The following KIAA0825 variants were observed in gnomAD, a reference collection of about 807,000 sequenced individuals.
KIAA0825 encodes the protein KIAA0825.
In KIAA0825, 119 loss-of-function variants were observed where a neutral mutation model predicts 147.6. The ratio of observed to expected loss-of-function variants is 0.81; its 90% CI spans 0.69 to 0.94. KIAA0825 has a LOEUF of 0.94. Among genes scored for constraint, KIAA0825 ranks in the 40% least tolerant of loss-of-function variants. The pLI is 0.00. For synonymous variants in KIAA0825, 470 were observed against 518.1 expected, an observed-to-expected ratio of 0.91 and a Z score of 1.26; for missense variants, 1,381 against 1,472.7, an observed-to-expected ratio of 0.94 and a Z score of 1.02.
At chr5:94,427,171 A>T (rs1420261849) in intron 14 of KIAA0825, among the ~76,000 whole-genome samples, 1 of 152,206 alleles carries the variant, frequency 6.6e-6, no homozygotes, top group Non-Finnish European at 1.5e-5. Flanking sequence ...ATGTAAGTAT[A>T]AGTAGGTGTC....
intron 3 of KIAA0825, among the ~76,000 whole-genome samples, chr5:94,535,140 T>C (rs1771696285): frequency 6.6e-6 from 1 of 151,944 alleles, no homozygotes; most frequent in South Asian, 2.1e-4. Flanking sequence ...AAATAAGAAG[T>C]TTAATTTTCC....
At chr5:94,200,199 T>G (rs976240681) in intron 20 of KIAA0825, among the ~76,000 whole-genome samples, 14 of 152,290 alleles carry the variant, frequency 9.2e-5, no homozygotes, top group Admixed American at 6.5e-4. Flanking sequence ...CAAATGTCTG[T>G]GTGGGTCATA....
At chr5:94,583,804 G>A (rs777689956) in intron 1 of KIAA0825, among the ~76,000 whole-genome samples, 3 of 152,048 alleles carry the variant, frequency 2.0e-5, no homozygotes, top group African/African-American at 7.2e-5. Context: ...ATAGGCAGGT[G>A]CCCCTCTGGG....
intron 20 of KIAA0825, among the ~76,000 whole-genome samples, chr5:94,374,014 A>G (rs1371598712): frequency 6.6e-6 from 1 of 152,220 alleles, no homozygotes; most frequent in African/African-American, 2.4e-5. Context: ...GGTGGAAAAT[A>G]TGCTAAAACT....
At chr5:94,408,375 G>A (rs1224554227) in intron 15 of KIAA0825, among the ~76,000 whole-genome samples, 1 of 152,012 alleles carries the variant, frequency 6.6e-6, no homozygotes, top group African/African-American at 2.4e-5. Flanking sequence ...TTGAGACAGA[G>A]TCTCGCTCTT....
intron 2 of KIAA0825, among the ~76,000 whole-genome samples, chr5:94,566,524 A>G (rs530813891): frequency 3.4e-4 from 52 of 152,232 alleles, no homozygotes; most frequent in South Asian, 1.0e-3. Flanking sequence ...AAACATCTTT[A>G]TATTGCTTGA....
At chr5:94,482,913 A>T (rs1379276898) in intron 6 of KIAA0825, among the ~76,000 whole-genome samples, 1 of 151,974 alleles carries the variant, frequency 6.6e-6, no homozygotes, top group African/African-American at 2.4e-5. Flanking sequence ...TATTAACATG[A>T]TATTGAAGTT....
rs1477657727 is a variant in KIAA0825, at chr5:94,473,425, G to A, written c.1322C>T (p.Thr441Ile). 3.2e-6 allele frequency: 5 copies of A among 1,551,832 alleles called. No individual in the cohort carries two copies. The highest frequency in any genetic ancestry group is 4.4e-6 in the Non-Finnish European group (5 of 1,147,058). Reference sequence around the variant, plus strand: ...ATTCTGTTCCTGTTGGAGAATTTTTGTGGAAAAACCTTCAATTGCAGTTAC... The same window carrying A: ...ATTCTGTTCCTGTTGGAGAATTTTTATGGAAAAACCTTCAATTGCAGTTAC... ...CVVTAIEGFS[T>I]KILQQEQNER... The change falls in exon 8 of 21, where the codon ACA becomes ATA. Residue 441 changes from threonine (T) to isoleucine (I), a missense_variant. Thr to Ile is a moderately conservative substitution (Grantham distance 89). Transcript: ENST00000682413.
intron 5 of KIAA0825, among the ~76,000 whole-genome samples, chr5:94,517,320 T>TA (rs1026576802): frequency 6.6e-6 from 1 of 152,110 alleles, no homozygotes; most frequent in African/African-American, 2.4e-5. Flanking sequence ...ATAAATAATA[T>TA]AAAAGGCTGT....
At chr5:94,243,042 T>G (rs936009192) in intron 20 of KIAA0825, among the ~76,000 whole-genome samples, 1 of 152,226 alleles carries the variant, frequency 6.6e-6, no homozygotes, top group East Asian at 1.9e-4. Context: ...TGACACTTAC[T>G]AGCTGTGTGA....
At chr5:94,341,047 T>A (rs1782318234) in intron 20 of KIAA0825, among the ~76,000 whole-genome samples, 1 of 152,158 alleles carries the variant, frequency 6.6e-6, no homozygotes, top group African/African-American at 2.4e-5. Flanking sequence ...TTTCTTTGTG[T>A]TGGTGAAGGA....
intron 14 of KIAA0825, among the ~76,000 whole-genome samples, chr5:94,422,655 C>T (rs904547548): frequency 6.6e-6 from 1 of 152,114 alleles, no homozygotes; most frequent in South Asian, 2.1e-4. Context: ...GTTTTTCTTT[C>T]CCTCTGCCTT....
At chr5:94,318,753 CA>C (rs1203705913) in intron 20 of KIAA0825, among the ~76,000 whole-genome samples, 2 of 151,896 alleles carry the variant, frequency 1.3e-5, no homozygotes, top group Non-Finnish European at 2.9e-5. Flanking sequence ...TATTAGCCAA[CA>C]TAACGTTACA....
chr5:94,460,873 G>C (rs1297329602), intron 12 of KIAA0825, among the ~76,000 whole-genome samples: 1 of 151,932 alleles, frequency 6.6e-6, no homozygotes, highest in Admixed American at 6.6e-5. Flanking sequence ...GAAATTTTCT[G>C]AACTGAGAAA....
intron 20 of KIAA0825, among the ~76,000 whole-genome samples, chr5:94,325,107 T>C (rs1310232041): frequency 6.6e-6 from 1 of 152,020 alleles, no homozygotes; most frequent in Non-Finnish European, 1.5e-5. Flanking sequence ...AAACATTCAG[T>C]GAATTCAAAG....
At chr5:94,610,737 C>T (rs1486715029) in intron 1 of KIAA0825, among the ~76,000 whole-genome samples, 1 of 124,780 alleles carries the variant, frequency 8.0e-6, no homozygotes, top group East Asian at 2.3e-4. Flanking sequence ...GCACTCCAGC[C>T]TGGGTGACAG....
rs1353167814 is a variant in KIAA0825 at position 94,386,317 on chromosome 5, T to C, written c.3544A>G (p.Ile1182Val). 6.4e-7 allele frequency: 1 copy of C among 1,551,502 alleles called. No homozygotes were observed. Among genetic ancestry groups the C allele is most frequent in the East Asian group, 2.4e-5 (1 of 40,890 alleles). Residue 1182 changes from isoleucine to valine, a missense_variant, in exon 19 of 21, where the codon ATA becomes GTA. Physicochemically the swap from Ile to Val is conservative, Grantham distance 29. Coordinates refer to ENST00000682413, the MANE Select transcript of KIAA0825 (RefSeq NM_001145678.3). ...IRPLKTTLRS[I>V]EDQPSAFNPF... ...TTAAAGGCAGAAGGCTGATCTTCTATACTCCTCAAGGTCGTCTTTAAAGGT... is the reference window on the plus strand; with the variant it reads ...TTAAAGGCAGAAGGCTGATCTTCTACACTCCTCAAGGTCGTCTTTAAAGGT...
intron 20 of KIAA0825, among the ~76,000 whole-genome samples, chr5:94,343,658 T>C (rs1377588847): frequency 6.6e-6 from 1 of 152,120 alleles, no homozygotes; most frequent in Non-Finnish European, 1.5e-5. Context: ...CACTGCACTC[T>C]AGCCTGGGCA....
chr5:94,253,432 C>T (rs779735762), intron 20 of KIAA0825, among the ~76,000 whole-genome samples: 5 of 152,080 alleles, frequency 3.3e-5, no homozygotes, highest in Admixed American at 6.6e-5. Context: ...ATTGTGCAGA[C>T]GCAGTATTCA....
Sources: gnomAD v4.1 joint callset for allele counts (sites outside exome capture counted in the v4.1 genomes callset) on GRCh38, gnomAD v4.1.1 for gene constraint, MANE v1.5 for transcripts, NCBI Gene and HGNC (gene_info 2026-07-23, HGNC 2026-07-21) for gene names.